The following JCAD variants were observed in gnomAD, a reference collection of about 807,000 sequenced individuals.
The protein encoded by JCAD is junctional cadherin 5 associated.
Under a neutral mutation model 98.0 loss-of-function variants are expected in JCAD, and 40 were observed. The observed-to-expected ratio is 0.41, with a 90% CI of 0.32 to 0.53. The LOEUF (loss-of-function observed/expected upper bound fraction) is 0.53. JCAD is among the 20% of genes least tolerant of loss of function. JCAD has a pLI of 0.31. For synonymous variants in JCAD, 691 were observed against 682.3 expected (o/e 1.01, Z -0.20); for missense variants, 1,705 against 1,738.1 (o/e 0.98, Z 0.34).
At chr10:30,061,132 G>C (rs1403016070), upstream of JCAD, among the ~76,000 whole-genome samples, 1 of 152,166 alleles carries the variant, frequency 6.6e-6, no homozygotes, top group East Asian at 1.9e-4. Context: ...ACTTCTGTTA[G>C]CCTCACTTTC....
rs1564442688 is a variant in JCAD, at chr10:30,027,490, C to T, written c.2658G>A (p.Pro886=). The change falls in exon 3 of 4, where the codon CCG becomes CCA. Residue 886 remains proline (P), a synonymous_variant. Coordinates refer to ENST00000375377, the MANE Select transcript of JCAD (RefSeq NM_020848.4). ...QEDVGFRGNS[P]EMRVEPQPRM... ...TCGGCTGTGGCTCAACCCTCATTTCCGGGCTGTTTCCGCGGAAGCCCACAT... is the reference window on the plus strand; with the variant it reads ...TCGGCTGTGGCTCAACCCTCATTTCTGGGCTGTTTCCGCGGAAGCCCACAT... 1.2e-6 allele frequency: 2 copies of T among 1,608,112 alleles called. No individual in the cohort carries two copies. Among genetic ancestry groups the T allele is most frequent in the Admixed American group, 1.7e-5 (1 of 60,024 alleles).
In JCAD at chr10:30,027,570, C is replaced by T; in HGVS notation, c.2578G>A (p.Glu860Lys). Residue 860 changes from glutamate (E) to lysine (K), a missense_variant, in exon 3 of 4, where the codon GAG becomes AAG. This residue lies in a region of JCAD where 1,278 missense variants were observed against 1,243.1 expected (regional missense o/e 1.03). Coordinates refer to ENST00000375377, the MANE Select transcript of JCAD (RefSeq NM_020848.4). ...TGCTGCGGCTCCGCCTCACTCTCCT[C>T]ACTGCTGCTGCTGCTGCTGCTGCTG... ...SSSSSSSSSS[E>K]ESEAEPQQEN... 6.2e-7 allele frequency: 1 copy of T among 1,613,462 alleles called. No individual in the cohort carries two copies.
At chr10:30,045,134 C>T (rs1187886281) in intron 2 of JCAD, among the ~76,000 whole-genome samples, 2 of 152,066 alleles carry the variant, frequency 1.3e-5, no homozygotes, top group Non-Finnish European at 1.5e-5. Flanking sequence ...CTGATTATGC[C>T]GTAGTCCTCA....
At chr10:30,047,955 C>A in intron 1 of JCAD, 84 bp from the exon 2 acceptor site, 1 of 746,280 alleles carries the variant, frequency 1.3e-6, no homozygotes, top group Non-Finnish European at 2.2e-6. Flanking sequence ...GTCCCCCCAC[C>A]AAACCAGACC....
chr10:30,083,958 G>C (rs1838126334), intron 1 of JCAD, among the ~76,000 whole-genome samples: 1 of 151,848 alleles, frequency 6.6e-6, no homozygotes, highest in Non-Finnish European at 1.5e-5. Context: ...GGAATTCGAG[G>C]CTGCAGTGAA....
intron 1 of JCAD, among the ~76,000 whole-genome samples, chr10:30,075,707 A>T (rs373445587): frequency 2.0e-5 from 3 of 152,222 alleles, no homozygotes; most frequent in African/African-American, 7.2e-5. Flanking sequence ...CCATGCTGGC[A>T]GATTCTGGAG....
intron 1 of JCAD, among the ~76,000 whole-genome samples, chr10:30,071,017 T>C (rs558593087): frequency 3.5e-4 from 54 of 152,294 alleles, no homozygotes; most frequent in African/African-American, 1.3e-3. Flanking sequence ...GCAATTATCC[T>C]GCTCAGCCTC....
At chr10:30,032,470 T>C (rs1837022969) in intron 2 of JCAD, among the ~76,000 whole-genome samples, 1 of 152,196 alleles carries the variant, frequency 6.6e-6, no homozygotes, top group South Asian at 2.1e-4. Flanking sequence ...TAGGGCCATG[T>C]AATAGGGAAA....
intron 3 of JCAD, among the ~76,000 whole-genome samples, chr10:30,025,474 T>G (rs1488369091): frequency 7.3e-6 from 1 of 137,304 alleles, no homozygotes; most frequent in Non-Finnish European, 1.5e-5. Context: ...GCCGAGATCG[T>G]GCCACTGTAC....
At chr10:30,053,580 G>A (rs1199447781) in intron 1 of JCAD, among the ~76,000 whole-genome samples, 11 of 148,438 alleles carry the variant, frequency 7.4e-5, no homozygotes, top group South Asian at 4.4e-4. Context: ...GAAAAGAAAA[G>A]AAAAGAAAAG....
chr10:30,081,551 C>G (rs1838086149), intron 1 of JCAD, among the ~76,000 whole-genome samples: 1 of 152,200 alleles, frequency 6.6e-6, no homozygotes, highest in African/African-American at 2.4e-5. Flanking sequence ...CATACCTCAG[C>G]CTCCTGAGTA....
chr10:30,026,106 G>T lies in JCAD; in HGVS notation c.4042C>A (p.Pro1348Thr), dbSNP rs1233492080. The T allele has an allele frequency of 9.9e-6, 16 of 1,614,004 alleles. No individual in the cohort carries two copies. Among genetic ancestry groups the T allele is most frequent in the Non-Finnish European group, 1.4e-5 (16 of 1,180,008 alleles). ...EKSMDQDFWCPDSYDPSRVER... is the reference protein window; with the variant it reads ...EKSMDQDFWCTDSYDPSRVER... ...GCCTGTCTGCCTGATTCCTCACCTG[G>T]GCACCAGAAGTCTTGATCCATGCTC... Residue 1348 changes from proline to threonine, a missense_variant, in exon 3 of 4, where the codon CCA becomes ACA. Pro to Thr is a conservative substitution (Grantham distance 38). Around this residue, in one of 3 missense-constraint regions of JCAD, gnomAD observed 1,278 missense variants for 1,243.1 expected, o/e 1.03. Coordinates refer to ENST00000375377, the MANE Select transcript of JCAD (RefSeq NM_020848.4).
chr10:30,049,480 C>G (rs923478635), intron 1 of JCAD, among the ~76,000 whole-genome samples: 1 of 152,108 alleles, frequency 6.6e-6, no homozygotes, highest in African/African-American at 2.4e-5. Context: ...GGGAAAGTCT[C>G]GCCTGTCAGC....
chr10:30,107,115 T>C (rs569096933), intron 1 of JCAD, among the ~76,000 whole-genome samples: 1 of 152,308 alleles, frequency 6.6e-6, no homozygotes, highest in Admixed American at 6.5e-5. Context: ...CAAATACTCA[T>C]TTGATTGTCA....
At chr10:30,025,880 GA>G (rs1836780437) in intron 3 of JCAD, 1 of 582,322 alleles carries the variant, frequency 1.7e-6, no homozygotes. Context: ...GACAGAGTGA[GA>G]TACTATCTCA....
chr10:30,021,428 A>T (rs1180094615), intron 3 of JCAD, among the ~76,000 whole-genome samples: 1 of 152,126 alleles, frequency 6.6e-6, no homozygotes, highest in East Asian at 1.9e-4. Context: ...TTGGGCTCAG[A>T]TGATCCTCCC....
rs756216805 is a variant in JCAD at position 30,028,704 on chromosome 10, G to T, written c.1444C>A (p.Pro482Thr). 7 of 1,612,500 alleles carry T rather than the reference G, an allele frequency of 4.3e-6. No individual in the cohort carries two copies. Among genetic ancestry groups the T allele is most frequent in the Admixed American group, 3.3e-5 (2 of 59,850 alleles). Residue 482 changes from proline (P) to threonine (T), a missense_variant, in exon 3 of 4, where the codon CCC (proline) becomes ACC (threonine). Physicochemically the swap from Pro to Thr is conservative, Grantham distance 38. Transcript: ENST00000375377. ...GAIWNPQSLI[P>T]PSGDERGLVL... Reference sequence around the variant, plus strand: ...AGGCCTCTCTCATCCCCCGACGGGGGTATTAAGCTCTGTGGATTCCAAATG... The same window carrying T: ...AGGCCTCTCTCATCCCCCGACGGGGTTATTAAGCTCTGTGGATTCCAAATG...
chr10:30,034,634 G>A (rs955586199), intron 2 of JCAD, among the ~76,000 whole-genome samples: 3 of 152,070 alleles, frequency 2.0e-5, no homozygotes, highest in Admixed American at 2.0e-4. Context: ...CCCCACTTTA[G>A]CTGAGCCAGG....
chr10:30,101,308 C>T lies in JCAD; in HGVS notation n.128+14059G>A, dbSNP rs545693890. The stretch of plus-strand genomic sequence containing the variant: ...CCTGTAATCCCAGCTACTCGGGAGG[C>T]TGAAGCAGGAGAATTTCTTGAAACT... On this transcript the variant is annotated intron_variant and non_coding_transcript_variant, in intron 1 of 2. Transcript: ENST00000465712. Among the ~76,000 whole-genome samples, 6 of 152,180 alleles carry T rather than the reference C, an allele frequency of 3.9e-5. No homozygotes were observed. In the South Asian group the frequency reaches 6.2e-4, roughly 16 times the overall value.
Sources: gnomAD v4.1 joint callset for allele counts (sites outside exome capture counted in the v4.1 genomes callset) on GRCh38, gnomAD v4.1.1 for gene constraint, gnomAD v4.1.1 regional missense constraint, MANE v1.5 for transcripts, NCBI Gene and HGNC (gene_info 2026-07-23, HGNC 2026-07-21) for gene names.